Variants in GPC6 observed in about 807,000 individuals in gnomAD.
GPC6 encodes the protein glypican-6.
In GPC6, 14 loss-of-function variants were observed where a neutral mutation model predicts 55.2. That is an observed-to-expected ratio of 0.25 (90% CI 0.17 to 0.40). GPC6 has a LOEUF of 0.40. GPC6 is among the 10% of genes least tolerant of loss of function. The pLI is 1.00. For missense variants in GPC6, 641 were observed against 708.5 expected (o/e 0.90, Z 1.08); for synonymous variants, 278 against 259.6 (o/e 1.07, Z -0.68).
chr13:94,252,565 A>G (rs9589941), intron 4 of GPC6, among the ~76,000 whole-genome samples: 19,037 of 152,094 alleles, frequency 0.13, 3,474 homozygotes, highest in African/African-American at 0.39. Context: ...ATAAGACACA[A>G]GTTGTAGAGT....
chr13:93,985,730 GC>G (rs1237122179), intron 3 of GPC6, among the ~76,000 whole-genome samples: 8 of 147,628 alleles, frequency 5.4e-5, no homozygotes, highest in African/African-American at 2.0e-4. Context: ...AACGGAGATT[GC>G]CCTTACCTTT....
intron 4 of GPC6, among the ~76,000 whole-genome samples, chr13:94,048,416 A>G (rs1883806387): frequency 1.3e-5 from 2 of 152,042 alleles, no homozygotes; most frequent in African/African-American, 4.8e-5. Flanking sequence ...GTTGGATGAC[A>G]TAGTAAAAGC....
chr13:94,174,258 T>C (rs1476989074), intron 4 of GPC6, among the ~76,000 whole-genome samples: 1 of 152,138 alleles, frequency 6.6e-6, no homozygotes, highest in East Asian at 1.9e-4. Context: ...AGAGTTCTTA[T>C]AACCTAGTTA....
At chr13:93,884,403 G>T (rs1469029598) in intron 3 of GPC6, among the ~76,000 whole-genome samples, 1 of 151,932 alleles carries the variant, frequency 6.6e-6, no homozygotes, top group Admixed American at 6.6e-5. Flanking sequence ...TCAAATCATA[G>T]ATATTTGTTC....
intron 1 of GPC6, among the ~76,000 whole-genome samples, chr13:93,387,252 C>A (rs1204876487): frequency 6.6e-6 from 1 of 151,954 alleles, no homozygotes; most frequent in East Asian, 1.9e-4. Flanking sequence ...TGGCTTGCTG[C>A]AGCTATCAAC....
intron 1 of GPC6, among the ~76,000 whole-genome samples, chr13:93,515,397 A>G (rs1207878239): frequency 1.3e-5 from 2 of 152,164 alleles, no homozygotes; most frequent in Admixed American, 1.3e-4. Flanking sequence ...GCATGAAGTA[A>G]TGCATGCTAT....
chr13:93,247,127 CCCTTAGGAGATACCTAATTCTTTA>C (rs1876630252), intron 1 of GPC6, among the ~76,000 whole-genome samples: 2 of 151,780 alleles, frequency 1.3e-5, no homozygotes, highest in Non-Finnish European at 2.9e-5. Context: ...CTTTGCAGTA[CCCTTAGGAGATACCTAATTCTTTA>C]AAGAGATGTT....
chr13:93,274,327 A>C (rs1594066480), intron 1 of GPC6, among the ~76,000 whole-genome samples: 1 of 152,256 alleles, frequency 6.6e-6, no homozygotes, highest in East Asian at 1.9e-4. Context: ...CATTGGGGGA[A>C]TGTGGTAGGT....
chr13:93,837,185 C>T (rs561415251), intron 3 of GPC6, among the ~76,000 whole-genome samples: 8 of 152,192 alleles, frequency 5.3e-5, no homozygotes, highest in African/African-American at 1.9e-4. Context: ...GTGTATGTTT[C>T]CAGTAACCTA....
chr13:94,326,883 T>C (rs1877148524), intron 6 of GPC6, among the ~76,000 whole-genome samples: 1 of 152,220 alleles, frequency 6.6e-6, no homozygotes, highest in Non-Finnish European at 1.5e-5. Flanking sequence ...GAAAATTAAG[T>C]CAGAGTAACT....
chr13:94,008,647 G>T (rs1882117280), intron 3 of GPC6, among the ~76,000 whole-genome samples: 2 of 152,096 alleles, frequency 1.3e-5, no homozygotes, highest in African/African-American at 4.8e-5. Context: ...GCAAGACTAG[G>T]TCTCTAAATA....
chr13:94,273,082 A>G (rs1892096820), intron 4 of GPC6, among the ~76,000 whole-genome samples: 1 of 152,220 alleles, frequency 6.6e-6, no homozygotes, highest in African/African-American at 2.4e-5. Flanking sequence ...TAACAATCTT[A>G]ATACAATAAG....
intron 2 of GPC6, among the ~76,000 whole-genome samples, chr13:93,784,822 G>A (rs1465465953): frequency 6.6e-6 from 1 of 152,142 alleles, no homozygotes; most frequent in Non-Finnish European, 1.5e-5. Context: ...CTCAACACAT[G>A]TACAAATAAC....
intron 6 of GPC6, among the ~76,000 whole-genome samples, chr13:94,336,487 T>A (rs1877706875): frequency 6.6e-6 from 1 of 152,184 alleles, no homozygotes; most frequent in Non-Finnish European, 1.5e-5. Context: ...CTTGTCTAGG[T>A]CATATTTTAC....
chr13:93,437,000 G>A (rs1017936527), intron 1 of GPC6, among the ~76,000 whole-genome samples: 5 of 151,506 alleles, frequency 3.3e-5, no homozygotes, highest in South Asian at 2.1e-4. Flanking sequence ...TCTGTGTCAC[G>A]TTTTAGGAAT....
chr13:94,078,257 A>G (rs1884988397), intron 4 of GPC6, among the ~76,000 whole-genome samples: 1 of 151,952 alleles, frequency 6.6e-6, no homozygotes, highest in African/African-American at 2.4e-5. Context: ...ATGGGATGCA[A>G]CAAAATTAGT....
At chr13:94,396,844 T>C (rs1880917453) in intron 7 of GPC6, among the ~76,000 whole-genome samples, 1 of 152,206 alleles carries the variant, frequency 6.6e-6, no homozygotes, top group South Asian at 2.1e-4. Flanking sequence ...GGCAGTGTTT[T>C]TGCACTGGGG....
At chr13:93,939,495 T>C (rs958190933) in intron 3 of GPC6, among the ~76,000 whole-genome samples, 1 of 151,862 alleles carries the variant, frequency 6.6e-6, no homozygotes, top group African/African-American at 2.4e-5. Flanking sequence ...CTTGTTTGCA[T>C]TTATATAGGA....
intron 4 of GPC6, among the ~76,000 whole-genome samples, chr13:94,249,460 G>T (rs1262517364): frequency 7.1e-5 from 5 of 70,126 alleles, no homozygotes. Flanking sequence ...GTGCTTATTT[G>T]TATGACCCCC....
Sources: gnomAD v4.1 joint callset for allele counts (sites outside exome capture counted in the v4.1 genomes callset) on GRCh38, gnomAD v4.1.1 for gene constraint, MANE v1.5 for transcripts, NCBI Gene and HGNC (gene_info 2026-07-23, HGNC 2026-07-21) for gene names.